The following IPCEF1 variants were observed in gnomAD, a reference collection of about 807,000 sequenced individuals.
The protein encoded by IPCEF1 is interaction protein for cytohesin exchange factors 1.
IPCEF1 carries 31 observed loss-of-function variants against 50.9 expected under a neutral mutation model. That is an observed-to-expected ratio of 0.61 (90% CI 0.46 to 0.82). IPCEF1 has a LOEUF of 0.82. Ranked by LOEUF, IPCEF1 falls within the 40% of genes least tolerant of loss-of-function variation. The pLI is 0.00. For missense variants in IPCEF1, 458 were observed against 514.0 expected (o/e 0.89, Z 1.05); for synonymous variants, 181 against 192.0 (o/e 0.94, Z 0.47).
chr6:154,348,122 T>C (rs1189790709), intron 1 of IPCEF1, among the ~76,000 whole-genome samples: 2 of 152,168 alleles, frequency 1.3e-5, no homozygotes, highest in Admixed American at 1.3e-4. Context: ...GACTCCAGCG[T>C]TCCTCTCAAG....
chr6:154,305,017 G>A (rs1782894563), intron 1 of IPCEF1, among the ~76,000 whole-genome samples: 1 of 152,106 alleles, frequency 6.6e-6, no homozygotes, highest in African/African-American at 2.4e-5. Context: ...GGGAGGCTGA[G>A]GCAGGAGAAT....
chr6:154,320,795 C>T (rs1783353029), intron 1 of IPCEF1, among the ~76,000 whole-genome samples: 2 of 152,000 alleles, frequency 1.3e-5, no homozygotes, highest in African/African-American at 4.8e-5. Context: ...TCGCTTGAGC[C>T]CAGGGGCTCT....
chr6:154,179,636 GA>G (rs1346533903), intron 10 of IPCEF1, among the ~76,000 whole-genome samples: 2 of 152,196 alleles, frequency 1.3e-5, no homozygotes, highest in Admixed American at 6.5e-5. Context: ...TTCTGCCACA[GA>G]AGGCACTTTA....
intron 1 of IPCEF1, among the ~76,000 whole-genome samples, chr6:154,340,482 C>A (rs1247131151): frequency 6.6e-6 from 1 of 151,748 alleles, no homozygotes; most frequent in Non-Finnish European, 1.5e-5. Context: ...AACTCCTAAA[C>A]TCAGGTGATC....
chr6:154,303,546 T>G (rs1435131535), intron 1 of IPCEF1, among the ~76,000 whole-genome samples: 1 of 152,180 alleles, frequency 6.6e-6, no homozygotes, highest in Non-Finnish European at 1.5e-5. Context: ...CTTCTCCTTT[T>G]TATCATTTGT....
At chr6:154,169,648 T>C (rs1260254884) in intron 10 of IPCEF1, among the ~76,000 whole-genome samples, 1 of 152,224 alleles carries the variant, frequency 6.6e-6, no homozygotes, top group Non-Finnish European at 1.5e-5. Context: ...ATTCCTCATC[T>C]TGCCACACAG....
intron 1 of IPCEF1, among the ~76,000 whole-genome samples, chr6:154,321,332 C>T (rs546800131): frequency 6.6e-6 from 1 of 152,002 alleles, no homozygotes; most frequent in African/African-American, 2.4e-5. Context: ...AGGTAAGTAA[C>T]TATAATATTT....
chr6:154,279,096 A>G (rs1282506906), intron 2 of IPCEF1, among the ~76,000 whole-genome samples: 8 of 151,912 alleles, frequency 5.3e-5, no homozygotes, highest in Non-Finnish European at 1.2e-4. Context: ...CCGCAAAAAA[A>G]TCATAGACAG....
At chr6:154,238,317 G>GC (rs1780300891) in intron 5 of IPCEF1, among the ~76,000 whole-genome samples, 1 of 152,020 alleles carries the variant, frequency 6.6e-6, no homozygotes, top group African/African-American at 2.4e-5. Flanking sequence ...GTGCAATGGC[G>GC]CTGTCTCGGC....
chr6:154,312,918 T>A (rs1036561664), intron 1 of IPCEF1, among the ~76,000 whole-genome samples: 2 of 151,814 alleles, frequency 1.3e-5, no homozygotes, highest in East Asian at 1.9e-4. Context: ...AAATAAAAAA[T>A]TTTTTAGAAC....
At chr6:154,297,060 T>C (rs912203648) in intron 1 of IPCEF1, among the ~76,000 whole-genome samples, 4 of 151,834 alleles carry the variant, frequency 2.6e-5, no homozygotes, top group Admixed American at 1.3e-4. Flanking sequence ...CTCTCTCTCT[T>C]TTTTTTAAAT....
chr6:154,327,605 C>T (rs1431385240), intron 1 of IPCEF1, among the ~76,000 whole-genome samples: 1 of 152,146 alleles, frequency 6.6e-6, no homozygotes. Context: ...AAAAGGAACA[C>T]TTTTACACTG....
At chr6:154,255,619 C>A (rs1036695250) in intron 3 of IPCEF1, among the ~76,000 whole-genome samples, 6 of 152,244 alleles carry the variant, frequency 3.9e-5, no homozygotes, top group African/African-American at 1.4e-4. Flanking sequence ...TGCTTTTCTG[C>A]CATTTTCCTC....
intron 10 of IPCEF1, among the ~76,000 whole-genome samples, chr6:154,193,275 A>G (rs553545665): frequency 6.6e-6 from 1 of 152,220 alleles, no homozygotes; most frequent in East Asian, 1.9e-4. Flanking sequence ...GGAATGGAAA[A>G]CCAAAATTGT....
At chr6:154,303,192 A>G (rs569315315) in intron 1 of IPCEF1, among the ~76,000 whole-genome samples, 1 of 151,212 alleles carries the variant, frequency 6.6e-6, no homozygotes, top group Non-Finnish European at 1.5e-5. Flanking sequence ...CCCAGATTCA[A>G]GCTATTCTCC....
At chr6:154,176,102 G>A (rs1208740819) in intron 10 of IPCEF1, among the ~76,000 whole-genome samples, 3 of 152,072 alleles carry the variant, frequency 2.0e-5, no homozygotes, top group Non-Finnish European at 4.4e-5. Flanking sequence ...TGCAGAAAAG[G>A]CCTTCAACAA....
intron 9 of IPCEF1, among the ~76,000 whole-genome samples, chr6:154,211,180 G>T (rs542343293): frequency 9.9e-5 from 15 of 152,252 alleles, no homozygotes; most frequent in African/African-American, 1.4e-4. Context: ...ACTTTGGGAG[G>T]CCGAGGCAGG....
chr6:154,221,881 A>G (rs1778894668), intron 6 of IPCEF1, among the ~76,000 whole-genome samples: 1 of 152,218 alleles, frequency 6.6e-6, no homozygotes, highest in African/African-American at 2.4e-5. Flanking sequence ...CTCAAAAAAC[A>G]AATAAATAAA....
At chr6:154,316,893 T>C (rs1294444558) in intron 1 of IPCEF1, among the ~76,000 whole-genome samples, 1 of 152,196 alleles carries the variant, frequency 6.6e-6, no homozygotes, top group Non-Finnish European at 1.5e-5. Flanking sequence ...TCAATTAAAA[T>C]TAATTAGTTA....
Sources: gnomAD v4.1 joint callset for allele counts (sites outside exome capture counted in the v4.1 genomes callset) on GRCh38, gnomAD v4.1.1 for gene constraint, MANE v1.5 for transcripts, NCBI Gene and HGNC (gene_info 2026-07-23, HGNC 2026-07-21) for gene names.